DOCK5: variants seen among roughly 807,000 people sequenced by gnomAD.
DOCK5 encodes the protein dedicator of cytokinesis 5, also known as dedicator of cytokinesis protein 5.
DOCK5 carries 142 observed loss-of-function variants against 251.8 expected under a neutral mutation model. The observed-to-expected ratio is 0.56, with a 90% CI of 0.49 to 0.65. The LOEUF is 0.65. Among genes scored for constraint, DOCK5 ranks in the 30% least tolerant of loss-of-function variants. The pLI, the probability that DOCK5 is intolerant of heterozygous loss-of-function variation, is 0.00. For missense variants in DOCK5, 2,111 were observed against 2,312.3 expected (o/e 0.91, Z 1.79); for synonymous variants, 842 against 835.5 (o/e 1.01, Z -0.13).
At chr8:25,358,796 G>A (rs996082466) in intron 27 of DOCK5, among the ~76,000 whole-genome samples, 167 bp from the exon 28 acceptor site, 4 of 152,174 alleles carry the variant, frequency 2.6e-5, no homozygotes, top group Non-Finnish European at 4.4e-5. Context: ...AGCAGAAACC[G>A]CAAAGCACGT....
rs1491383745 is a variant in DOCK5 at position 25,391,197 on chromosome 8, C to CTGGGTGTG, written c.4356-697_4356-696insGGTGTGTG. On this transcript the variant is annotated intron_variant, in intron 42 of 51. Coordinates refer to ENST00000276440, the MANE Select transcript of DOCK5 (RefSeq NM_024940.8). ...GTAGCTGGGACATACACCACCACAC[C>CTGGGTGTG]TGTGTGTGTGTGTGTGTGTGTGTGT... Among the ~76,000 whole-genome samples the CTGGGTGTG allele has an allele frequency of 2.2e-4, 5 of 22,844 alleles. No individual in the cohort carries two copies. The Non-Finnish European group carries it at 2.8e-3, about 13-fold the overall frequency. 15.0% of individuals were successfully genotyped at this position (22,844 alleles called of 152,430 possible). A position where few individuals can be genotyped will look rare whatever the true frequency, so the allele number is the denominator to read the frequency against.
chr8:25,311,906 A>G lies in DOCK5; in HGVS notation c.1318+1374A>G, dbSNP rs923475060. Among the ~76,000 whole-genome samples the G allele has an allele frequency of 4.6e-5, 7 of 151,614 alleles. No individual in the cohort carries two copies. In the East Asian group the frequency reaches 1.2e-3, roughly 25 times the overall value. Reference sequence around the variant, plus strand: ...CACTGCAACCCAGCCTGGGCAACAGAGCAAGACTCTGCCTCCAAAAAAAAA... The same window carrying G: ...CACTGCAACCCAGCCTGGGCAACAGGGCAAGACTCTGCCTCCAAAAAAAAA... On this transcript the variant is annotated intron_variant, in intron 13 of 51. Coordinates refer to ENST00000276440, the MANE Select transcript of DOCK5 (RefSeq NM_024940.8).
At chr8:25,336,842 A>G (rs551373405) in intron 22 of DOCK5, among the ~76,000 whole-genome samples, 1 of 152,314 alleles carries the variant, frequency 6.6e-6, no homozygotes, top group East Asian at 1.9e-4. Context: ...AGTTCCATCA[A>G]AAACAGAAGA....
At chr8:25,188,862 C>G (rs1267668117) in intron 1 of DOCK5, among the ~76,000 whole-genome samples, 2 of 151,894 alleles carry the variant, frequency 1.3e-5, no homozygotes, top group African/African-American at 4.8e-5. Flanking sequence ...TCTGTTTGAG[C>G]ATATGAAGAT....
At chr8:25,375,669 T>C in intron 37 of DOCK5, 2 of 981,310 alleles carry the variant, frequency 2.0e-6, no homozygotes, top group Middle Eastern at 5.3e-4. Flanking sequence ...TAATATTCTT[T>C]TACAGTTTAT....
chr8:25,372,353 G>T (rs968849042), intron 34 of DOCK5, among the ~76,000 whole-genome samples: 2 of 152,186 alleles, frequency 1.3e-5, no homozygotes, highest in African/African-American at 2.4e-5. Context: ...ACAAAGAAGC[G>T]CAGCATAAGT....
intron 2 of DOCK5, among the ~76,000 whole-genome samples, chr8:25,248,295 G>C (rs1283665611): frequency 1.3e-5 from 2 of 152,218 alleles, no homozygotes; most frequent in African/African-American, 2.4e-5. Context: ...CTCGAGGCAA[G>C]GGCCGGAGTG....
chr8:25,395,850 A>G, intron 45 of DOCK5, 131 bp downstream of exon 45: 1 of 1,111,718 alleles, frequency 9.0e-7, no homozygotes, highest in Non-Finnish European at 1.3e-6. Context: ...CCCTTCTGGC[A>G]AGTGAAGTGA....
intron 7 of DOCK5, among the ~76,000 whole-genome samples, chr8:25,298,582 GT>G (rs747293720): frequency 6.6e-6 from 1 of 152,090 alleles, no homozygotes; most frequent in Non-Finnish European, 1.5e-5. Flanking sequence ...TCTGTGTTTT[GT>G]TTTTTGTTAT....
chr8:25,401,600 G>A (rs1054485612), intron 47 of DOCK5, among the ~76,000 whole-genome samples: 2 of 152,136 alleles, frequency 1.3e-5, no homozygotes, highest in African/African-American at 2.4e-5. Context: ...TGGGCATGGC[G>A]TCAGGCACCT....
intron 22 of DOCK5, 77 bp downstream of exon 22, chr8:25,336,450 G>C (rs1414374970): frequency 1.3e-6 from 2 of 1,539,146 alleles, no homozygotes; most frequent in Admixed American, 3.5e-5. Flanking sequence ...CTGCACAGTG[G>C]TGTTCAGCTC....
At chr8:25,332,466 G>T in intron 19 of DOCK5, 118 bp downstream of exon 19, 2 of 1,192,434 alleles carry the variant, frequency 1.7e-6, no homozygotes, top group Non-Finnish European at 2.3e-6. Context: ...TAAAATCTAC[G>T]TTGTTAAACA....
intron 1 of DOCK5, among the ~76,000 whole-genome samples, chr8:25,204,331 A>G (rs374322066): frequency 5.3e-5 from 8 of 152,164 alleles, no homozygotes; most frequent in Non-Finnish European, 2.9e-5. Flanking sequence ...TAACAGAAGT[A>G]TTGATCCCAG....
intron 40 of DOCK5, among the ~76,000 whole-genome samples, chr8:25,385,797 G>T (rs931054019): frequency 6.6e-6 from 1 of 152,268 alleles, no homozygotes; most frequent in Non-Finnish European, 1.5e-5. Context: ...TGGAGAAAAG[G>T]ACTTAGGGAA....
At chr8:25,376,034 G>A in intron 37 of DOCK5, 1 of 928,788 alleles carries the variant, frequency 1.1e-6, no homozygotes, top group Non-Finnish European at 1.3e-6. Flanking sequence ...CAAGGCGGAG[G>A]TTTGCAGTAT....
Position 25,310,500 on chromosome 8 carries a change from G to T in DOCK5, c.1286G>T (p.Arg429Leu), listed in dbSNP as rs146574972. 110 of 1,612,588 alleles carry T rather than the reference G, an allele frequency of 6.8e-5. No homozygotes were observed. Among genetic ancestry groups the T allele is most frequent in the Non-Finnish European group, 8.9e-5 (105 of 1,179,382 alleles). ...HLVDRSTAIA[R>L]KMGFPEIILP... ...GTTGATAGATCAACAGCAATAGCCC[G>T]GAAGATGGGCTTTCCTGAAATCATA... The change falls in exon 13 of 52, where the codon CGG becomes CTG. Residue 429 changes from arginine (R) to leucine (L), a missense_variant. Physicochemically the swap from Arg to Leu is moderately radical, Grantham distance 102. Coordinates refer to ENST00000276440, the MANE Select transcript of DOCK5 (RefSeq NM_024940.8).
In DOCK5 at chr8:25,412,292, T is replaced by C. The variant is rs1459060212; in HGVS notation, c.*994T>C. The C allele has an allele frequency of 6.6e-6, 1 of 152,172 alleles. No homozygotes were observed. Among genetic ancestry groups the C allele is most frequent in the Non-Finnish European group, 1.5e-5 (1 of 68,040 alleles). The allele number at this position is 152,172 out of a possible 1,614,324, so 9.4% of individuals were successfully genotyped here. ...CTCTTGATTGTGGAATTAATTTGAT[T>C]GCTTGCTAATGGTACTAGTAGTACT... On this transcript the variant is annotated 3_prime_UTR_variant, in exon 52 of 52. Transcript: ENST00000276440.
At chr8:25,390,429 G>A (rs1000930025) in intron 42 of DOCK5, 142 bp downstream of exon 42, 1 of 670,546 alleles carries the variant, frequency 1.5e-6, no homozygotes, top group Non-Finnish European at 2.4e-6. Flanking sequence ...CAACAAAGTG[G>A]GATGCTGTCT....
intron 2 of DOCK5, among the ~76,000 whole-genome samples, chr8:25,268,151 G>A (rs888100724): frequency 6.6e-6 from 1 of 151,940 alleles, no homozygotes; most frequent in African/African-American, 2.4e-5. Flanking sequence ...GTGAGCCACC[G>A]TGCCCGGCTG....
Sources: gnomAD v4.1 joint callset for allele counts (sites outside exome capture counted in the v4.1 genomes callset) on GRCh38, gnomAD v4.1.1 for gene constraint, MANE v1.5 for transcripts, NCBI Gene and HGNC (gene_info 2026-07-23, HGNC 2026-07-21) for gene names.